Variants in CNTN4 observed in about 807,000 individuals in gnomAD.
CNTN4 encodes the protein contactin-4.
In CNTN4, 77 loss-of-function variants were observed where a neutral mutation model predicts 122.5. That is an observed-to-expected ratio of 0.63 (90% CI 0.52 to 0.76). The LOEUF (loss-of-function observed/expected upper bound fraction) is 0.76. Among genes scored for constraint, CNTN4 ranks in the 30% least tolerant of loss-of-function variants. CNTN4 has a pLI of 0.00. For missense variants in CNTN4, 1,256 were observed against 1,259.1 expected (o/e 1.00, Z 0.04); for synonymous variants, 512 against 447.0 (o/e 1.15, Z -1.83).
intron 3 of CNTN4, among the ~76,000 whole-genome samples, chr3:2,539,672 C>T (rs962739773): frequency 6.6e-6 from 1 of 152,172 alleles, no homozygotes. Context: ...AATTTGATTT[C>T]TTTTTATCTT....
At chr3:2,180,323 ATAGTC>A (rs2036958708) in intron 2 of CNTN4, among the ~76,000 whole-genome samples, 1 of 152,010 alleles carries the variant, frequency 6.6e-6, no homozygotes, top group Admixed American at 6.6e-5. Context: ...ATTCTTCACA[ATAGTC>A]TAGAAGGGTA....
intron 3 of CNTN4, among the ~76,000 whole-genome samples, chr3:2,545,670 G>A (rs2078214535): frequency 2.0e-5 from 3 of 149,330 alleles, no homozygotes; most frequent in Admixed American, 1.3e-4. Context: ...TGTTTTGTCT[G>A]AAATCACGAT....
At chr3:2,403,723 A>T (rs1360252774) in intron 3 of CNTN4, among the ~76,000 whole-genome samples, 8 of 152,186 alleles carry the variant, frequency 5.3e-5, no homozygotes, top group Non-Finnish European at 1.0e-4. Context: ...ACAGTATTAC[A>T]TCTAAACCAA....
chr3:2,997,780 G>A (rs1695662293), intron 14 of CNTN4, among the ~76,000 whole-genome samples: 1 of 152,162 alleles, frequency 6.6e-6, no homozygotes, highest in African/African-American at 2.4e-5. Flanking sequence ...CCTGGTTATG[G>A]GAGAGGAAAT....
chr3:2,835,033 T>C (rs954645662), intron 7 of CNTN4, among the ~76,000 whole-genome samples: 1 of 150,292 alleles, frequency 6.7e-6, no homozygotes, highest in African/African-American at 2.4e-5. Flanking sequence ...GCCTTCCCAG[T>C]AGCTGGGACT....
rs902151070 is a variant in CNTN4, at chr3:2,466,946, TTTTC to T, written c.-88-104446_-88-104443del. 7.1e-3 allele frequency among the ~76,000 whole-genome samples: 1,061 copies of T among 148,496 alleles called. 4 individuals are homozygous for T. The highest frequency in any genetic ancestry group is 0.018 in the African/African-American group (718 of 39,780). On this transcript the variant is annotated intron_variant, in intron 3 of 24. Coordinates refer to ENST00000418658, the MANE Select transcript of CNTN4 (RefSeq NM_175607.3). ...CTTCATTTCTTCGTTAAATTAGTTTTTTTCTTTCTTTCTTTCTTTCTTTCTTTTT... is the reference window on the plus strand; with the variant it reads ...CTTCATTTCTTCGTTAAATTAGTTTTTTTCTTTCTTTCTTTCTTTCTTTTT...
chr3:2,826,321 T>G (rs894879415), intron 7 of CNTN4, among the ~76,000 whole-genome samples: 4 of 152,142 alleles, frequency 2.6e-5, no homozygotes, highest in African/African-American at 9.7e-5. Flanking sequence ...GTCCCTGCAT[T>G]ACAAAATCAA....
intron 3 of CNTN4, among the ~76,000 whole-genome samples, chr3:2,388,658 A>G (rs1575526935): frequency 6.6e-6 from 1 of 152,072 alleles, no homozygotes; most frequent in Admixed American, 6.5e-5. Context: ...CAACCGGGCC[A>G]ATGTGACAAA....
intron 2 of CNTN4, among the ~76,000 whole-genome samples, chr3:2,223,860 C>T (rs1172713956): frequency 1.3e-5 from 2 of 152,048 alleles, no homozygotes; most frequent in Admixed American, 6.6e-5. Flanking sequence ...GCAGCCATCC[C>T]ACAAAACGGG....
At chr3:2,447,935 A>G (rs549269220) in intron 3 of CNTN4, among the ~76,000 whole-genome samples, 12 of 152,300 alleles carry the variant, frequency 7.9e-5, no homozygotes, top group African/African-American at 2.9e-4. Context: ...TGGTTTTCTG[A>G]AAGATATTCA....
intron 23 of CNTN4, among the ~76,000 whole-genome samples, chr3:3,048,518 G>A (rs201003935): frequency 1.1e-5 from 1 of 92,460 alleles, no homozygotes; most frequent in African/African-American, 7.1e-5. Flanking sequence ...CTCTCTCTCT[G>A]TGTGTGTGTG....
chr3:3,013,653 C>T lies in CNTN4; in HGVS notation c.1487-12449C>T, dbSNP rs558105131. On this transcript the variant is annotated intron_variant, in intron 14 of 24. Coordinates refer to ENST00000418658, the MANE Select transcript of CNTN4 (RefSeq NM_175607.3). Reference sequence around the variant, plus strand: ...TTATGGTAACTAAATGCAAGATAACCTTTCTGTGGAAAGCAAGCATATGAT... The same window carrying T: ...TTATGGTAACTAAATGCAAGATAACTTTTCTGTGGAAAGCAAGCATATGAT... 2.5e-4 allele frequency among the ~76,000 whole-genome samples: 38 copies of T among 151,424 alleles called. No individual in the cohort carries two copies. The South Asian group carries it at 7.1e-3, about 28-fold the overall frequency.
At chr3:2,241,915 T>C (rs570855995) in intron 2 of CNTN4, among the ~76,000 whole-genome samples, 3 of 123,792 alleles carry the variant, frequency 2.4e-5, no homozygotes, top group African/African-American at 7.8e-5. Context: ...ATCTCACTTA[T>C]CTTCTTGTTT....
intron 2 of CNTN4, among the ~76,000 whole-genome samples, chr3:2,244,500 CA>C (rs1014264467): frequency 6.6e-6 from 1 of 151,494 alleles, no homozygotes; most frequent in African/African-American, 2.4e-5. Context: ...AAGATAAGTA[CA>C]AAAAAAGGAA....
At chr3:2,636,456 A>T in intron 4 of CNTN4, among the ~76,000 whole-genome samples, 1 of 152,182 alleles carries the variant, frequency 6.6e-6, no homozygotes, top group South Asian at 2.1e-4. Context: ...CTGGGGAAAA[A>T]AACCCAGGAA....
chr3:3,041,954 A>G (rs1700203095), intron 20 of CNTN4, among the ~76,000 whole-genome samples: 4 of 152,184 alleles, frequency 2.6e-5, no homozygotes, highest in Admixed American at 2.6e-4. Context: ...GTGAGACCCT[A>G]TTTCAAAAAA....
chr3:2,362,670 C>A (rs1345161230), intron 3 of CNTN4: 3 of 391,660 alleles, frequency 7.7e-6, no homozygotes, highest in South Asian at 6.3e-5. Flanking sequence ...TGATGAGAAG[C>A]TGGGTGAACA....
chr3:2,306,449 G>A (rs1215231568), intron 2 of CNTN4, among the ~76,000 whole-genome samples: 1 of 152,094 alleles, frequency 6.6e-6, no homozygotes, highest in African/African-American at 2.4e-5. Context: ...ATCATCTTTG[G>A]ATAAATGTCT....
At position 2,353,767 on chromosome 3, in the gene CNTN4, CG is replaced by C. The variant is rs1217678605; in HGVS notation, c.-89+14537del. The stretch of plus-strand genomic sequence containing the variant: ...AAACAAAATTAGCCGGGTGTGGTGG[CG>C]GGCGCCTGTGGTCCCAGCTACTCGG... On this transcript the variant is annotated intron_variant, in intron 3 of 24. Coordinates refer to ENST00000418658, the MANE Select transcript of CNTN4 (RefSeq NM_175607.3). 1.4e-4 allele frequency among the ~76,000 whole-genome samples: 21 copies of C among 152,270 alleles called. 1 individual carries two copies. The highest frequency in any genetic ancestry group is 4.1e-4 in the South Asian group (2 of 4,822).
Sources: gnomAD v4.1 joint callset for allele counts (sites outside exome capture counted in the v4.1 genomes callset) on GRCh38, gnomAD v4.1.1 for gene constraint, MANE v1.5 for transcripts, NCBI Gene and HGNC (gene_info 2026-07-23, HGNC 2026-07-21) for gene names.